SLCO2A1: variants seen among roughly 807,000 people sequenced by gnomAD.
SLCO2A1 encodes solute carrier organic anion transporter family member 2A1, also known as matrin F/G 1.
SLCO2A1 carries 60 observed loss-of-function variants against 71.7 expected under a neutral mutation model. The observed-to-expected ratio is 0.84, with a 90% CI of 0.68 to 1.04. The LOEUF (loss-of-function observed/expected upper bound fraction) is 1.04, where lower values mean the gene tolerates loss of function less well. Among genes scored for constraint, SLCO2A1 ranks in the 50% least tolerant of loss-of-function variants. SLCO2A1 has a pLI of 0.00. For missense variants in SLCO2A1, 745 were observed against 813.4 expected (o/e 0.92, Z 1.02); for synonymous variants, 308 against 326.7 (o/e 0.94, Z 0.62).
intron 10 of SLCO2A1, among the ~76,000 whole-genome samples, chr3:133,943,517 C>T (rs180798159): frequency 1.3e-5 from 2 of 152,298 alleles, no homozygotes; most frequent in African/African-American, 4.8e-5. Context: ...TCACTTGGCC[C>T]CTAGGAAACT....
intron 1 of SLCO2A1, among the ~76,000 whole-genome samples, chr3:134,024,513 C>G (rs1935658049): frequency 6.6e-6 from 1 of 152,192 alleles, no homozygotes; most frequent in Non-Finnish European, 1.5e-5. Flanking sequence ...CCTGGCAAAA[C>G]TCTTTACACT....
intron 11 of SLCO2A1, among the ~76,000 whole-genome samples, 185 bp from the exon 12 acceptor site, chr3:133,938,678 C>A (rs1052140319): frequency 6.6e-6 from 1 of 152,062 alleles, no homozygotes; most frequent in Non-Finnish European, 1.5e-5. Context: ...AAAGCGTGGT[C>A]CCTGGATCAT....
chr3:133,948,853 C>G (rs748596500), intron 7 of SLCO2A1, 40 bp downstream of exon 7: 2 of 1,604,740 alleles, frequency 1.2e-6, no homozygotes, highest in Non-Finnish European at 1.7e-6. Flanking sequence ...TCCCCTCCCC[C>G]GCACTGTGCC....
At chr3:133,963,275 T>C (rs1284536609) in intron 3 of SLCO2A1, among the ~76,000 whole-genome samples, 4 of 152,124 alleles carry the variant, frequency 2.6e-5, no homozygotes, top group Admixed American at 2.0e-4. Context: ...GGGGTAGATC[T>C]GGGGCAGGCC....
At chr3:134,000,223 G>T (rs1156855667) in intron 1 of SLCO2A1, among the ~76,000 whole-genome samples, 1 of 152,168 alleles carries the variant, frequency 6.6e-6, no homozygotes. Flanking sequence ...AGGCTGTGGG[G>T]CTGGGAGACC....
chr3:133,942,805 G>A, intron 10 of SLCO2A1, 37 bp from the exon 11 acceptor site: 1 of 1,569,112 alleles, frequency 6.4e-7, no homozygotes, highest in Non-Finnish European at 8.6e-7. Context: ...GGGGAAATTT[G>A]TTATTATTTC....
chr3:133,968,345 G>A (rs1343359655), intron 3 of SLCO2A1, among the ~76,000 whole-genome samples: 1 of 151,824 alleles, frequency 6.6e-6, no homozygotes, highest in East Asian at 2.0e-4. Context: ...TTCCTCCAGG[G>A]CTTCCTAGCA....
At chr3:133,954,916 A>T in intron 4 of SLCO2A1, 50 bp downstream of exon 4, 2 of 1,465,472 alleles carry the variant, frequency 1.4e-6, no homozygotes, top group Non-Finnish European at 1.9e-6. Flanking sequence ...ATCAAGTGCT[A>T]CATCAGGACC....
At position 133,973,756 on chromosome 3, in the gene SLCO2A1, C is replaced by A; in HGVS notation, c.304G>T (p.Gly102Cys). The change falls in exon 3 of 14, where the codon GGC (glycine) becomes TGC (cysteine). Residue 102 changes from glycine to cysteine, a missense_variant. Gly to Cys is a radical substitution (Grantham distance 159, BLOSUM62 -3). Coordinates refer to ENST00000310926, the MANE Select transcript of SLCO2A1 (RefSeq NM_005630.3). ...GSRVHRPRLI[G>C]IGGLFLAAGA... Reference sequence around the variant, plus strand: ...GCAGCCAGGAAGAGACCTCCGATGCCAATCAGACGTGGACGGTGCACCCGG... The same window carrying A: ...GCAGCCAGGAAGAGACCTCCGATGCAAATCAGACGTGGACGGTGCACCCGG... 5.0e-6 allele frequency: 8 copies of A among 1,614,080 alleles called. No homozygotes were observed. The highest frequency in any genetic ancestry group is 6.8e-6 in the Non-Finnish European group (8 of 1,180,014).
intron 9 of SLCO2A1, 78 bp from the exon 10 acceptor site, chr3:133,945,338 T>C (rs1028498295): frequency 7.2e-7 from 1 of 1,392,784 alleles, no homozygotes; most frequent in African/African-American, 1.5e-5. Context: ...CAGTGTGAGT[T>C]CCTGGCCTGG....
chr3:134,002,955 C>A (rs1029010107), intron 1 of SLCO2A1, among the ~76,000 whole-genome samples: 2 of 152,226 alleles, frequency 1.3e-5, no homozygotes, highest in African/African-American at 4.8e-5. Context: ...CTGTACTCCC[C>A]TTGGCCATCT....
At chr3:133,941,523 G>A (rs1010106797) in intron 11 of SLCO2A1, among the ~76,000 whole-genome samples, 4 of 151,952 alleles carry the variant, frequency 2.6e-5, no homozygotes, top group African/African-American at 9.7e-5. Context: ...CTCTCTGCTT[G>A]CGAGGTGAGT....
chr3:133,944,018 C>T (rs370768895), intron 10 of SLCO2A1, among the ~76,000 whole-genome samples: 1 of 152,238 alleles, frequency 6.6e-6, no homozygotes, highest in Non-Finnish European at 1.5e-5. Flanking sequence ...CCTGCCTGCT[C>T]CCTGGCCAGC....
chr3:133,941,085 C>T (rs1466464640), intron 11 of SLCO2A1, among the ~76,000 whole-genome samples: 1 of 152,098 alleles, frequency 6.6e-6, no homozygotes, highest in African/African-American at 2.4e-5. Flanking sequence ...GTCTTTGACC[C>T]AGGAGTCTCA....
chr3:133,988,985 A>G (rs1934775617), intron 1 of SLCO2A1, among the ~76,000 whole-genome samples: 1 of 152,182 alleles, frequency 6.6e-6, no homozygotes, highest in Non-Finnish European at 1.5e-5. Flanking sequence ...CCATCTTCCC[A>G]CTCTGAGTAA....
chr3:133,958,329 C>A (rs542667481), intron 3 of SLCO2A1, among the ~76,000 whole-genome samples: 1 of 152,298 alleles, frequency 6.6e-6, no homozygotes, highest in African/African-American at 2.4e-5. Flanking sequence ...AGGGAAGGAC[C>A]AAGCACAGCA....
At chr3:133,986,264 T>G (rs13069938) in intron 1 of SLCO2A1, among the ~76,000 whole-genome samples, 33,697 of 152,172 alleles carry the variant, frequency 0.22, 3,861 homozygotes, top group Non-Finnish European at 0.26. Flanking sequence ...TTTTGTTTTT[T>G]GTTTTTTGTT....
intron 6 of SLCO2A1, chr3:133,949,349 G>A (rs1231623897): frequency 4.0e-6 from 1 of 251,458 alleles, no homozygotes; most frequent in Non-Finnish European, 7.8e-6. Context: ...ACTGGCTTCT[G>A]GGACACTCTG....
chr3:133,971,550 T>A (rs1357121078), intron 3 of SLCO2A1, among the ~76,000 whole-genome samples: 3 of 152,222 alleles, frequency 2.0e-5, no homozygotes, highest in Non-Finnish European at 4.4e-5. Context: ...AGGCACTTCG[T>A]TCTCTCCATC....
Sources: allele counts gnomAD v4.1 joint callset (sites outside exome capture counted in the v4.1 genomes callset), GRCh38; gene constraint gnomAD v4.1.1; transcripts MANE v1.5; gene names NCBI Gene and HGNC (gene_info 2026-07-23, HGNC 2026-07-21).